Variants in MACF1 observed in about 807,000 individuals in gnomAD.
The protein encoded by MACF1 is microtubule-actin cross-linking factor 1.
MACF1 carries 193 observed loss-of-function variants against 854.8 expected under a neutral mutation model. The observed-to-expected ratio is 0.23, with a 90% CI of 0.20 to 0.25. The LOEUF (loss-of-function observed/expected upper bound fraction) is 0.25. Ranked by LOEUF, MACF1 falls within the 10% of genes least tolerant of loss-of-function variation. The pLI is 1.00. For missense variants in MACF1, 7,722 were observed against 8,929.1 expected (o/e 0.86, Z 5.45); for synonymous variants, 3,185 against 3,226.7 (o/e 0.99, Z 0.44).
At chr1:39,155,285 A>C (rs11205695) in intron 2 of MACF1, among the ~76,000 whole-genome samples, 91,611 of 152,062 alleles carry the variant, frequency 0.6, 29,682 homozygotes, top group South Asian at 0.77. Context: ...ATGGTGAAAC[A>C]CACAGAGGAA....
intron 2 of MACF1, among the ~76,000 whole-genome samples, chr1:39,111,582 C>T (rs1245376002): frequency 1.3e-5 from 2 of 152,008 alleles, no homozygotes; most frequent in South Asian, 2.1e-4. Flanking sequence ...GGGGTTTCAC[C>T]GTGTTAGCCA....
intron 4 of MACF1, among the ~76,000 whole-genome samples, chr1:39,252,562 T>C (rs1645052793): frequency 6.6e-6 from 1 of 152,182 alleles, no homozygotes; most frequent in Non-Finnish European, 1.5e-5. Context: ...GTATTCTGCC[T>C]GCAGGCCCTA....
chr1:39,448,445 A>C (rs1406709154), intron 83 of MACF1, 149 bp from the exon 84 acceptor site: 2 of 664,542 alleles, frequency 3.0e-6, no homozygotes, highest in Admixed American at 3.5e-5. Context: ...TAAATTTCTT[A>C]AGGATAAGCT....
intron 73 of MACF1, 35 bp downstream of exon 73, chr1:39,441,160 A>G (rs759815442): frequency 7.4e-6 from 12 of 1,614,054 alleles, no homozygotes; most frequent in Admixed American, 1.7e-5. Flanking sequence ...CAGTTAGAAC[A>G]TTAGTGGGCC....
chr1:39,360,171 A>G (rs1648055881), intron 47 of MACF1, among the ~76,000 whole-genome samples: 1 of 150,624 alleles, frequency 6.6e-6, no homozygotes, highest in Non-Finnish European at 1.5e-5. Flanking sequence ...CAAAAAAATG[A>G]TAAGTATGTG....
Position 39,340,622 on chromosome 1 carries a change from A to G in MACF1, c.10336A>G (p.Lys3446Glu). Reference sequence around the variant, plus strand: ...TGCTCAACTGTTGAAGGCTCTAGAGAAAGATGCCAAGAATCTTCAGAAGTC... The same window carrying G: ...TGCTCAACTGTTGAAGGCTCTAGAGGAAGATGCCAAGAATCTTCAGAAGTC... Reference protein sequence around the residue: ...VPAQLLKALEKDAKNLQKSLS... With the variant: ...VPAQLLKALEEDAKNLQKSLS... Residue 3446 changes from lysine (K) to glutamate (E), a missense_variant, in exon 39 of 101, where the codon AAA becomes GAA. Transcript: ENST00000564288. The G allele has an allele frequency of 1.2e-6, 2 of 1,614,204 alleles. No homozygotes were observed. Among genetic ancestry groups the G allele is most frequent in the Non-Finnish European group, 1.7e-6 (2 of 1,180,024 alleles).
At position 39,196,134 on chromosome 1, in the gene MACF1, A is replaced by C. The variant is rs190774523; in HGVS notation, c.221-35048A>C. ...CATCATTTTACAGATGAGGAAATTG[A>C]GGTTCCATGAAGTTAAGTAACTTGC... On this transcript the variant is annotated intron_variant, in intron 2 of 93. Transcript: ENST00000361689. Among the ~76,000 whole-genome samples, 52 of 152,334 alleles carry C rather than the reference A, an allele frequency of 3.4e-4. 1 individual carries two copies. The highest frequency in any genetic ancestry group is 1.2e-3 in the African/African-American group (50 of 41,572).
chr1:39,287,135 A>G lies in MACF1; in HGVS notation c.1509-151A>G. 4 of 800,868 alleles carry G rather than the reference A, an allele frequency of 5.0e-6. No homozygotes were observed. In the East Asian group the frequency reaches 1.1e-4, roughly 22 times the overall value. The allele number at this position is 800,868 out of a possible 1,614,324, so 49.6% of individuals were successfully genotyped here. On this transcript the variant is annotated intron_variant, in intron 14 of 100. Transcript: ENST00000564288. ...GCCACCACACCCGGCTAATTTTTGT[A>G]TTTTTAGTAGAGACGGGGTTTCACC... is the stretch of plus-strand genomic sequence containing the variant.
At chr1:39,309,247 A>C (rs1470960189) in intron 23 of MACF1, among the ~76,000 whole-genome samples, 1 of 151,834 alleles carries the variant, frequency 6.6e-6, no homozygotes, top group East Asian at 1.9e-4. Flanking sequence ...ATCTCAATTA[A>C]TTAATGTAGT....
chr1:39,478,322 G>A (rs1396820599), intron 97 of MACF1, among the ~76,000 whole-genome samples: 1 of 152,050 alleles, frequency 6.6e-6, no homozygotes, highest in African/African-American at 2.4e-5. Context: ...GTATTGTTGA[G>A]GCTTGAGGAG....
intron 3 of MACF1, among the ~76,000 whole-genome samples, chr1:39,250,482 C>A (rs538319307): frequency 3.9e-5 from 6 of 152,140 alleles, no homozygotes; most frequent in Admixed American, 3.9e-4. Context: ...TATATAGACG[C>A]CTCTCATTTT....
chr1:39,234,811 T>C (rs1644837979), intron 2 of MACF1, among the ~76,000 whole-genome samples: 1 of 81,584 alleles, frequency 1.2e-5, no homozygotes, highest in Non-Finnish European at 2.9e-5. Flanking sequence ...GCAGAGATGC[T>C]CCTCACCTCC....
At chr1:39,194,187 C>T (rs1644288720) in intron 2 of MACF1, among the ~76,000 whole-genome samples, 1 of 152,048 alleles carries the variant, frequency 6.6e-6, no homozygotes, top group African/African-American at 2.4e-5. Flanking sequence ...ATTTTCTGCC[C>T]CTCCTCTTTA....
chr1:39,213,105 C>G (rs541571272), intron 1 of MACF1, among the ~76,000 whole-genome samples: 3 of 152,124 alleles, frequency 2.0e-5, no homozygotes, highest in Non-Finnish European at 4.4e-5. Context: ...AGTTATTTAA[C>G]CTTTTAAAGT....
chr1:39,447,420 C>T lies in MACF1; in HGVS notation c.19606-12C>T. ...TTTCTTTCTGTGTGTGTGTGTTTTA[C>T]TTGAAATTCAGTCAAAGCTGGAAGA... On this transcript the variant is annotated splice_polypyrimidine_tract_variant and intron_variant, in intron 80 of 100. Transcript: ENST00000564288. 6.2e-7 allele frequency: 1 copy of T among 1,613,188 alleles called. No individual in the cohort carries two copies. Among genetic ancestry groups the T allele is most frequent in the Non-Finnish European group, 8.5e-7 (1 of 1,179,472 alleles).
Position 39,285,872 on chromosome 1 carries a change from G to C in MACF1, c.1508+114G>C. ...CTTTTAACCTGGACATTTGAGGTCA[G>C]TGTCTCAATGGGGATACTACAGGTC... is the stretch of plus-strand genomic sequence containing the variant. On this transcript the variant is annotated intron_variant, in intron 14 of 100. Transcript: ENST00000564288. 4.3e-6 allele frequency: 5 copies of C among 1,174,998 alleles called. No homozygotes were observed. In the South Asian group the frequency reaches 5.8e-5, roughly 14 times the overall value. The allele number at this position is 1,174,998 out of a possible 1,614,324, so 72.8% of individuals were successfully genotyped here.
chr1:39,335,691 T>G lies in MACF1; in HGVS notation c.9103T>G (p.Phe3035Val), dbSNP rs1212443887. ...GAAAGAAGCTGATACAGAAATGGGA[T>G]TTTCTATTACTTTTAAAATTGAAGA... ...KGKEADTEMG[F>V]SITFKIEESS... Residue 3035 changes from phenylalanine to valine, a missense_variant, in exon 37 of 101, where the codon TTT becomes GTT. Physicochemically the swap from Phe to Val is conservative, Grantham distance 50. Around this residue, in one of 15 missense-constraint regions of MACF1, gnomAD observed 854 missense variants for 852.6 expected, o/e 1.00. Coordinates refer to ENST00000564288, the MANE Select transcript of MACF1 (RefSeq NM_001394062.1). 1 of 1,613,372 alleles carries G rather than the reference T, an allele frequency of 6.2e-7. No homozygotes were observed. Among genetic ancestry groups the G allele is most frequent in the Admixed American group, 1.7e-5 (1 of 59,872 alleles).
intron 6 of MACF1, among the ~76,000 whole-genome samples, chr1:39,271,943 G>T (rs1440560537): frequency 2.6e-5 from 4 of 152,150 alleles, no homozygotes; most frequent in Non-Finnish European, 5.9e-5. Flanking sequence ...TGACCATATT[G>T]GCAACAGTAT....
chr1:39,127,749 T>A (rs1010981931), intron 2 of MACF1, among the ~76,000 whole-genome samples: 5 of 152,170 alleles, frequency 3.3e-5, no homozygotes, highest in African/African-American at 1.2e-4. Flanking sequence ...CTGTTATTGT[T>A]TTCATTGGGA....
Sources: gnomAD v4.1 joint callset for allele counts (sites outside exome capture counted in the v4.1 genomes callset) on GRCh38, gnomAD v4.1.1 for gene constraint, gnomAD v4.1.1 regional missense constraint, MANE v1.5 for transcripts, NCBI Gene and HGNC (gene_info 2026-07-23, HGNC 2026-07-21) for gene names.